MTM1: variants seen among roughly 807,000 people sequenced by gnomAD.
MTM1 encodes myotubularin 1.
MTM1 carries 9 observed loss-of-function variants against 52.1 expected under a neutral mutation model. The ratio of observed to expected loss-of-function variants is 0.17; its 90% CI spans 0.10 to 0.30. MTM1 has a LOEUF of 0.30. MTM1 is among the 10% of genes least tolerant of loss of function. The probability of loss-of-function intolerance (pLI) is 1.00; values close to 1 mark genes in which losing one functional copy is unlikely to be tolerated. For synonymous variants in MTM1, 136 were observed against 163.8 expected (o/e 0.83, Z 1.29); for missense variants, 277 against 470.7 (o/e 0.59, Z 3.81).
chrX:150,589,080 C>T (rs1450125891), intron 1 of MTM1, among the ~76,000 whole-genome samples: 1 of 111,851 alleles, frequency 8.9e-6, no homozygotes, highest in Non-Finnish European at 1.9e-5. Context: ...GGTTGGTTGG[C>T]TAGGTGAGTT....
rs782799298 is a variant in MTM1 at position 150,596,463 on chromosome X, C to T, written c.64-35C>T. 1.1e-5 allele frequency: 12 copies of T among 1,101,068 alleles called. No homozygotes were observed. The South Asian group carries it at 2.2e-4, about 20-fold the overall frequency. The allele number at this position is 1,101,068 out of a possible 1,213,427, so 90.7% of individuals were successfully genotyped here. ...GCTTAAAAACAGTGTGTAAATGTAA[C>T]GTCATTACTTCTGATGCATCTGTTT... is the stretch of plus-strand genomic sequence containing the variant. On this transcript the variant is annotated intron_variant, in intron 2 of 14. Coordinates refer to ENST00000370396, the MANE Select transcript of MTM1 (RefSeq NM_000252.3).
At chrX:150,569,092 C>G (rs1478961530) in intron 1 of MTM1, among the ~76,000 whole-genome samples, 1 of 113,790 alleles carries the variant, frequency 8.8e-6, no homozygotes, top group African/African-American at 3.2e-5. Flanking sequence ...CCGCACGGAG[C>G]GGGCGTCCGT....
In MTM1 at chrX:150,572,463, G is replaced by A. The variant is rs1319141748; in HGVS notation, c.-11+3801G>A. ...CTCTCTGCCTCAATCTCCCTCTTCTGTCATCATTAAAATATGCAGGTATTT... is the reference window on the plus strand; with the variant it reads ...CTCTCTGCCTCAATCTCCCTCTTCTATCATCATTAAAATATGCAGGTATTT... On this transcript the variant is annotated intron_variant, in intron 1 of 14. Coordinates refer to ENST00000370396, the MANE Select transcript of MTM1 (RefSeq NM_000252.3). 2.2e-4 allele frequency among the ~76,000 whole-genome samples: 25 copies of A among 112,048 alleles called. No individual in the cohort carries two copies. In the Admixed American group the frequency reaches 2.3e-3, roughly 10 times the overall value.
intron 7 of MTM1, among the ~76,000 whole-genome samples, chrX:150,640,405 A>G (rs923645115): frequency 1.8e-5 from 2 of 111,350 alleles, no homozygotes; most frequent in Admixed American, 9.5e-5. Flanking sequence ...TCAGCATCAG[A>G]CTCAACATCT....
At position 150,657,620 on chromosome X, in the gene MTM1, A is replaced by T. The variant is rs222408; in HGVS notation, c.1054-201A>T. Among the ~76,000 whole-genome samples, 30,958 of 107,285 alleles carry T rather than the reference A, an allele frequency of 0.29. 4,248 individuals are homozygous for T. The highest frequency in any genetic ancestry group is 0.53 in the African/African-American group (15,661 of 29,394). The allele number at this position is 107,285 out of a possible 115,157, so 93.2% of individuals were successfully genotyped here. A position where few individuals can be genotyped will look rare whatever the true frequency, so the allele number is the denominator to read the frequency against. On this transcript the variant is annotated intron_variant, in intron 10 of 14. Coordinates refer to ENST00000370396, the MANE Select transcript of MTM1 (RefSeq NM_000252.3). ...CACCCTAGAACTTAAAGTATAATTT[A>T]AAAAAAAAAGAAGAAAAGAAAACAA...
intron 1 of MTM1, among the ~76,000 whole-genome samples, chrX:150,569,868 G>T (rs193275975): frequency 8.9e-6 from 1 of 112,032 alleles, no homozygotes; most frequent in African/African-American, 3.2e-5. Flanking sequence ...TATTGGGCAC[G>T]ATCATGTATT....
At chrX:150,655,475 A>G (rs782545889) in intron 10 of MTM1, among the ~76,000 whole-genome samples, 249 of 112,231 alleles carry the variant, frequency 2.2e-3, no homozygotes, top group African/African-American at 7.7e-3. Context: ...TAGTAACCAA[A>G]TGCTAGAAAC....
chrX:150,596,845 A>T, intron 3 of MTM1: 1 of 293,153 alleles, frequency 3.4e-6, no homozygotes, highest in Non-Finnish European at 6.0e-6. Context: ...AAAGTCTCTC[A>T]TTGGAGCCAT....
chrX:150,649,027 A>G (rs73620657), intron 9 of MTM1, among the ~76,000 whole-genome samples: 4,416 of 112,673 alleles, frequency 0.039, 189 homozygotes, highest in African/African-American at 0.13. Context: ...AGAGAAAATT[A>G]TGTAAAGCAA....
chrX:150,613,521 G>A, intron 4 of MTM1, among the ~76,000 whole-genome samples: 1 of 112,136 alleles, frequency 8.9e-6, no homozygotes, highest in Middle Eastern at 4.6e-3. Context: ...TAAGTTCTTA[G>A]TAGCGAAATT....
intron 1 of MTM1, among the ~76,000 whole-genome samples, chrX:150,589,952 A>G (rs2038855020): frequency 1.8e-5 from 2 of 111,449 alleles, no homozygotes; most frequent in South Asian, 7.4e-4. Context: ...TAATTTGTTA[A>G]CAGATACACT....
intron 6 of MTM1, among the ~76,000 whole-genome samples, chrX:150,622,130 T>C (rs1303508569): frequency 9.1e-6 from 1 of 109,392 alleles, no homozygotes; most frequent in Non-Finnish European, 1.9e-5. Context: ...TTGGCCATAT[T>C]TTTCATACCT....
At chrX:150,577,275 A>C (rs782428776) in intron 1 of MTM1, among the ~76,000 whole-genome samples, 2 of 112,628 alleles carry the variant, frequency 1.8e-5, no homozygotes, top group South Asian at 7.3e-4. Flanking sequence ...GAACATTCAC[A>C]TACAAGTCTT....
chrX:150,612,472 G>T (rs1557412999), intron 4 of MTM1, among the ~76,000 whole-genome samples: 1 of 111,468 alleles, frequency 9.0e-6, no homozygotes, highest in Non-Finnish European at 1.9e-5. Context: ...CAGGAGGATT[G>T]CTTGAGCCCA....
chrX:150,631,719 C>T (rs2039675014), intron 6 of MTM1, among the ~76,000 whole-genome samples: 1 of 106,369 alleles, frequency 9.4e-6, no homozygotes, highest in African/African-American at 3.4e-5. Context: ...TCTCATATTC[C>T]TCTAGTAATT....
intron 4 of MTM1, among the ~76,000 whole-genome samples, chrX:150,607,410 A>C (rs2039188142): frequency 9.0e-6 from 1 of 111,689 alleles, no homozygotes; most frequent in Admixed American, 9.4e-5. Context: ...TGCTGCTTCC[A>C]CTTCCGTACT....
intron 1 of MTM1, among the ~76,000 whole-genome samples, chrX:150,575,138 A>G (rs1003967621): frequency 5.3e-5 from 6 of 112,590 alleles, no homozygotes; most frequent in African/African-American, 1.9e-4. Context: ...ATGAAATGCA[A>G]TCTTCTTTCT....
the MTM1 span, among the ~76,000 whole-genome samples, chrX:150,562,878 G>A: frequency 9.0e-6 from 1 of 111,214 alleles, no homozygotes; most frequent in African/African-American, 3.3e-5. Context: ...GGCTTTCACG[G>A]TCTCCTGGAG....
chrX:150,631,381 G>A lies in MTM1; in HGVS notation c.445-7562G>A, dbSNP rs145921026. Among the ~76,000 whole-genome samples, 611 of 111,880 alleles carry A rather than the reference G, an allele frequency of 5.5e-3. 3 individuals are homozygous for A. The highest frequency in any genetic ancestry group is 0.019 in the African/African-American group (586 of 30,811). On this transcript the variant is annotated intron_variant, in intron 6 of 14. Coordinates refer to ENST00000370396, the MANE Select transcript of MTM1 (RefSeq NM_000252.3). ...CTCAGACTTCTAAGGAATTATCTCA[G>A]CCAGGCGTGGTGAGTCACGCCTTGC...
Sources: allele counts gnomAD v4.1 joint callset (sites outside exome capture counted in the v4.1 genomes callset), GRCh38; gene constraint gnomAD v4.1.1; transcripts MANE v1.5; gene names NCBI Gene and HGNC (gene_info 2026-07-23, HGNC 2026-07-21).